The following PTPN12 variants were observed in gnomAD, a reference collection of about 807,000 sequenced individuals.
PTPN12 encodes tyrosine-protein phosphatase non-receptor type 12.
A neutral mutation model predicts 97.6 loss-of-function variants in PTPN12; 29 were observed. The ratio of observed to expected loss-of-function variants is 0.30; its 90% confidence interval spans 0.22 to 0.41. PTPN12 has a LOEUF of 0.41. PTPN12 is among the 10% of genes least tolerant of loss of function. The pLI, the probability that PTPN12 is intolerant of heterozygous loss-of-function variation, is 1.00. For synonymous variants in PTPN12, 327 were observed against 300.4 expected (o/e 1.09, Z -0.91); for missense variants, 819 against 926.0 (o/e 0.88, Z 1.50).
chr7:77,639,356 A>G lies in PTPN12; in HGVS notation c.*76A>G. The G allele has an allele frequency of 3.3e-6, 4 of 1,208,850 alleles. No individual in the cohort carries two copies. The highest frequency in any genetic ancestry group is 4.8e-6 in the Non-Finnish European group (4 of 832,634). The allele number at this position is 1,208,850 out of a possible 1,614,324, so 74.9% of individuals were successfully genotyped here. A position where few individuals can be genotyped will look rare whatever the true frequency, so the allele number is the denominator to read the frequency against. On this transcript the variant is annotated 3_prime_UTR_variant, in exon 18 of 18. Coordinates refer to ENST00000248594, the MANE Select transcript of PTPN12 (RefSeq NM_002835.4). ...CTGAAAGCCAGATTTATAGTATTCC[A>G]TCTTTAATATGTGGGACTAACAGCA...
intron 7 of PTPN12, among the ~76,000 whole-genome samples, chr7:77,598,951 A>G (rs1788105075): frequency 1.3e-5 from 2 of 150,988 alleles, no homozygotes; most frequent in Non-Finnish European, 2.9e-5. Context: ...TTTAGCTACT[A>G]AAAAAATAAA....
intron 2 of PTPN12, among the ~76,000 whole-genome samples, chr7:77,571,626 A>G (rs993857660): frequency 1.3e-5 from 2 of 152,214 alleles, no homozygotes; most frequent in African/African-American, 4.8e-5. Flanking sequence ...TGTGTCTACT[A>G]TTCTCAGCAG....
intron 1 of PTPN12, among the ~76,000 whole-genome samples, chr7:77,567,195 TA>T (rs35233834): frequency 0.034 from 4,824 of 141,062 alleles, 136 homozygotes; most frequent in African/African-American, 0.068. Context: ...GTTGATGTGT[TA>T]AAAAAAAAAA....
intron 1 of PTPN12, chr7:77,563,791 T>C (rs73147956): frequency 4.5e-6 from 1 of 224,180 alleles, no homozygotes; most frequent in Non-Finnish European, 9.7e-6. Flanking sequence ...TGAGCAAAGA[T>C]AGGAAGATGA....
chr7:77,625,472 G>GCTCGCGCGCGCGCTCT lies in PTPN12; in HGVS notation c.1026-1230_1026-1229insGCGCGCGCGCTCTCTC. ...TTTTGCCATATTGCCCAGGCTGCTC[G>GCTCGCGCGCGCGCTCT]CTCTCTCTCTCTCTCTCTCTCTCTC... On this transcript the variant is annotated intron_variant, in intron 12 of 17. Transcript: ENST00000248594. Among the ~76,000 whole-genome samples the GCTCGCGCGCGCGCTCT allele has an allele frequency of 2.3e-3, 77 of 33,526 alleles. 7 individuals are homozygous for GCTCGCGCGCGCGCTCT. Among genetic ancestry groups the GCTCGCGCGCGCGCTCT allele is most frequent in the Non-Finnish European group, 3.0e-3 (60 of 20,022 alleles). 22.0% of individuals were successfully genotyped at this position (33,526 alleles called of 152,430 possible).
At chr7:77,611,471 T>G (rs903500832) in intron 11 of PTPN12, among the ~76,000 whole-genome samples, 1 of 152,096 alleles carries the variant, frequency 6.6e-6, no homozygotes, top group African/African-American at 2.4e-5. Flanking sequence ...TGAGACAGAG[T>G]TTCACTCTTG....
chr7:77,552,646 G>A (rs1807530619), intron 1 of PTPN12, among the ~76,000 whole-genome samples: 3 of 152,196 alleles, frequency 2.0e-5, no homozygotes, highest in South Asian at 2.1e-4. Context: ...TAAAGAGGGT[G>A]TAAACGAAGG....
At position 77,605,409 on chromosome 7, in the gene PTPN12, G is replaced by GGTTTTTTTTTTTTTTTTTTTTTTTTTTTT. The variant is rs1554321255; in HGVS notation, c.696-1826_696-1825insGTTTTTTTTTTTTTTTTTTTTTTTTTTTT. Among the ~76,000 whole-genome samples the GGTTTTTTTTTTTTTTTTTTTTTTTTTTTT allele has an allele frequency of 8.4e-5, 8 of 95,560 alleles. 2 individuals are homozygous for GGTTTTTTTTTTTTTTTTTTTTTTTTTTTT. The highest frequency in any genetic ancestry group is 8.3e-5 in the African/African-American group (2 of 24,232). The allele number at this position is 95,560 out of a possible 152,430, so 62.7% of individuals were successfully genotyped here. A position where few individuals can be genotyped will look rare whatever the true frequency, so the allele number is the denominator to read the frequency against. On this transcript the variant is annotated intron_variant, in intron 8 of 17. Transcript: ENST00000248594. ...TTACTTTAAAATACTTTTGTCATGAGTTTTTTTTTTTTTTTTTTTTTTTTT... is the reference window on the plus strand; with the variant it reads ...TTACTTTAAAATACTTTTGTCATGAGGTTTTTTTTTTTTTTTTTTTTTTTTTTTTTTTTTTTTTTTTTTTTTTTTTTTTT...
rs137962504 is a variant in PTPN12 at position 77,563,254 on chromosome 7, G to A, written c.100-7824G>A. 6.7e-3 allele frequency among the ~76,000 whole-genome samples: 1,026 copies of A among 152,186 alleles called. 5 individuals carry two copies. Among genetic ancestry groups the A allele is most frequent in the Non-Finnish European group, 0.01 (685 of 67,996 alleles). ...TAAGCAATATATTCTTAAGTATACT[G>A]GTCAATTCTGATTTACATAGAAGAC... On this transcript the variant is annotated intron_variant, in intron 1 of 17. Coordinates refer to ENST00000248594, the MANE Select transcript of PTPN12 (RefSeq NM_002835.4).
chr7:77,636,675 G>C (rs1789604690), intron 15 of PTPN12: 2 of 180,070 alleles, frequency 1.1e-5, no homozygotes, highest in African/African-American at 4.7e-5. Flanking sequence ...CTGAAATTTA[G>C]CTACATCTTA....
chr7:77,537,624 C>T lies in PTPN12; in HGVS notation c.78C>T (p.Asp26=), dbSNP rs762529467. ...AMKSPDHNGE[D]NFARDFMRLR... ...AGAGTCCTGACCACAATGGGGAGGA[C>T]AACTTCGCCCGGGACTTCATGGTGA... Residue 26 remains aspartate, a synonymous_variant, in exon 1 of 18, where the codon GAC becomes GAT. Transcript: ENST00000248594. 1 of 1,600,946 alleles carries T rather than the reference C, an allele frequency of 6.2e-7. No individual in the cohort carries two copies. The highest frequency in any genetic ancestry group is 1.4e-5 in the African/African-American group (1 of 73,482).
At chr7:77,622,140 A>G (rs1053378209) in intron 12 of PTPN12, among the ~76,000 whole-genome samples, 1 of 152,120 alleles carries the variant, frequency 6.6e-6, no homozygotes, top group South Asian at 2.1e-4. Context: ...TTTTTTGTAG[A>G]GATGGGTTTT....
intron 5 of PTPN12, among the ~76,000 whole-genome samples, chr7:77,590,873 T>TA (rs763268073): frequency 0.023 from 3,235 of 141,942 alleles, 48 homozygotes; most frequent in Middle Eastern, 0.08. Flanking sequence ...CTCCATCTAT[T>TA]AAAAAAAAAA....
At chr7:77,557,813 T>C (rs1807789821) in intron 1 of PTPN12, among the ~76,000 whole-genome samples, 1 of 152,134 alleles carries the variant, frequency 6.6e-6, no homozygotes, top group Non-Finnish European at 1.5e-5. Flanking sequence ...AAAAAAATAA[T>C]CAACCTCTCC....
chr7:77,559,333 T>A (rs1016508565), intron 1 of PTPN12, among the ~76,000 whole-genome samples: 1 of 152,246 alleles, frequency 6.6e-6, no homozygotes, highest in Non-Finnish European at 1.5e-5. Context: ...TTAGCTGTGA[T>A]AAATTATAGC....
At position 77,583,429 on chromosome 7, in the gene PTPN12, A is replaced by G. The variant is rs188868568; in HGVS notation, c.286-126A>G. Reference sequence around the variant, plus strand: ...TGCTTTAATATACTATGAAAGACACATTATTTGGAAATGGTTTAAGTTAAA... The same window carrying G: ...TGCTTTAATATACTATGAAAGACACGTTATTTGGAAATGGTTTAAGTTAAA... On this transcript the variant is annotated intron_variant, in intron 3 of 17. Transcript: ENST00000248594. 3,394 of 636,342 alleles carry G rather than the reference A, an allele frequency of 5.3e-3. 11 individuals are homozygous for G. The highest frequency in any genetic ancestry group is 7.5e-3 in the Non-Finnish European group (2,741 of 367,746). 39.4% of individuals were successfully genotyped at this position (636,342 alleles called of 1,614,324 possible).
At chr7:77,537,984 G>GGGT (rs1554306825) in intron 1 of PTPN12, 1 of 993,378 alleles carries the variant, frequency 1.0e-6, no homozygotes, top group African/African-American at 1.8e-5. Flanking sequence ...AGGCCGGGGG[G>GGGT]GGGGGCTCGC....
At chr7:77,582,794 A>G (rs1439817489) in intron 3 of PTPN12, among the ~76,000 whole-genome samples, 1 of 152,064 alleles carries the variant, frequency 6.6e-6, no homozygotes, top group East Asian at 1.9e-4. Flanking sequence ...AAAAAAAAAA[A>G]AAAAAGTTTA....
intron 16 of PTPN12, 70 bp from the exon 17 acceptor site, chr7:77,638,554 A>T (rs1789686259): frequency 7.2e-7 from 1 of 1,387,364 alleles, no homozygotes; most frequent in Non-Finnish European, 9.4e-7. Flanking sequence ...ACATTTAAAA[A>T]ATTAAAGAGT....
Sources: gnomAD v4.1 joint callset for allele counts (sites outside exome capture counted in the v4.1 genomes callset) on GRCh38, gnomAD v4.1.1 for gene constraint, MANE v1.5 for transcripts, NCBI Gene and HGNC (gene_info 2026-07-23, HGNC 2026-07-21) for gene names.